PCP4: variants seen among roughly 807,000 people sequenced by gnomAD.
PCP4 encodes the protein Purkinje cell protein 4.
Under a neutral mutation model 10.0 loss-of-function variants are expected in PCP4, and 8 were observed. The observed-to-expected ratio is 0.80, with a 90% CI of 0.47 to 1.45. PCP4 has a LOEUF of 1.45. Among genes scored for constraint, PCP4 ranks in the 40% most tolerant of loss-of-function variants. The pLI is 0.00. For missense variants in PCP4, 54 were observed against 74.4 expected, an observed-to-expected ratio of 0.73 and a Z score of 1.01; for synonymous variants, 21 against 23.0, an observed-to-expected ratio of 0.91 and a Z score of 0.24.
At chr21:39,908,929 T>G (rs1469180936) in intron 2 of PCP4, among the ~76,000 whole-genome samples, 1 of 152,184 alleles carries the variant, frequency 6.6e-6, no homozygotes, top group Admixed American at 6.5e-5. Context: ...GACTGCAGGA[T>G]CAGCTGCTTA....
intron 1 of PCP4, 56 bp from the exon 2 acceptor site, chr21:39,898,420 G>A (rs957426927): frequency 1.4e-6 from 2 of 1,384,566 alleles, no homozygotes; most frequent in East Asian, 2.3e-5. Context: ...AGAGACAAAA[G>A]TAATCCCGAG....
Position 39,906,383 on chromosome 21 carries a change from G to T in PCP4, c.61+7856G>T, listed in dbSNP as rs1053057654. On this transcript the variant is annotated intron_variant, in intron 2 of 2. Transcript: ENST00000328619. The surrounding 1 kb of genome is among the most constrained non-coding windows in gnomAD (Gnocchi z 6.3). ...TATCCATAGTACCATTATCCCATCA[G>T]TTTAGTTAACTAGCCTCTGGCAAAT... 5.3e-5 allele frequency among the ~76,000 whole-genome samples: 8 copies of T among 152,210 alleles called. No homozygotes were observed. Among genetic ancestry groups the T allele is most frequent in the African/African-American group, 1.9e-4 (8 of 41,448 alleles).
At chr21:39,888,844 C>T (rs940920213) in intron 1 of PCP4, among the ~76,000 whole-genome samples, 1 of 152,216 alleles carries the variant, frequency 6.6e-6, no homozygotes, top group African/African-American at 2.4e-5. Context: ...GTCTGGGTAC[C>T]TGTCTGACCC....
intron 1 of PCP4, among the ~76,000 whole-genome samples, chr21:39,881,731 G>A (rs1376186579): frequency 1.3e-5 from 2 of 152,156 alleles, no homozygotes; most frequent in South Asian, 2.1e-4. Flanking sequence ...GGCAGGAAAC[G>A]TGATTCCGAC....
chr21:39,891,765 A>G (rs956285772), intron 1 of PCP4, among the ~76,000 whole-genome samples: 24 of 152,338 alleles, frequency 1.6e-4, no homozygotes, highest in African/African-American at 5.1e-4. Flanking sequence ...CTTCCCTTTT[A>G]GGTAGCCGAA....
At chr21:39,874,286 A>C (rs888681304) in intron 1 of PCP4, among the ~76,000 whole-genome samples, 1 of 152,188 alleles carries the variant, frequency 6.6e-6, no homozygotes. Flanking sequence ...CCAGCCATAC[A>C]CGAGTCAGAC....
At chr21:39,873,329 G>A (rs757204688) in intron 1 of PCP4, among the ~76,000 whole-genome samples, 1 of 152,022 alleles carries the variant, frequency 6.6e-6, no homozygotes, top group Non-Finnish European at 1.5e-5. Context: ...CATCTAGCAC[G>A]CGGAAAGCAA....
chr21:39,916,593 C>A (rs1351747613), intron 2 of PCP4, among the ~76,000 whole-genome samples: 1 of 152,148 alleles, frequency 6.6e-6, no homozygotes, highest in East Asian at 1.9e-4. Flanking sequence ...TACCATTTGA[C>A]CCAGCAATCC....
At chr21:39,888,067 A>G (rs1389517656) in intron 1 of PCP4, among the ~76,000 whole-genome samples, 1 of 152,206 alleles carries the variant, frequency 6.6e-6, no homozygotes, top group Admixed American at 6.5e-5. Flanking sequence ...CAGGGGAGCT[A>G]AAAACCCTGA....
At chr21:39,870,268 G>A (rs974996576) in intron 1 of PCP4, among the ~76,000 whole-genome samples, 1 of 152,230 alleles carries the variant, frequency 6.6e-6, no homozygotes, top group Non-Finnish European at 1.5e-5. Flanking sequence ...AAAGTACAGC[G>A]AGGAAAGTAA....
chr21:39,869,098 A>T (rs898104051), intron 1 of PCP4, among the ~76,000 whole-genome samples: 1 of 152,166 alleles, frequency 6.6e-6, no homozygotes, highest in Non-Finnish European at 1.5e-5. Flanking sequence ...TTTTCTTTAT[A>T]TACAACTTAT....
chr21:39,875,485 T>C (rs1324934573), intron 1 of PCP4, among the ~76,000 whole-genome samples: 3 of 152,214 alleles, frequency 2.0e-5, no homozygotes, highest in African/African-American at 7.2e-5. Flanking sequence ...CAGAGAGTTT[T>C]AGGTGGAAAT....
At position 39,867,450 on chromosome 21, in the gene PCP4, G is replaced by A; in HGVS notation, c.-52G>A. 3 of 1,610,920 alleles carry A rather than the reference G, an allele frequency of 1.9e-6. No homozygotes were observed. Among genetic ancestry groups the A allele is most frequent in the East Asian group, 2.2e-5 (1 of 44,840 alleles). ...GAACCGGTGGAGCAGCGACCCCTGA[G>A]CAGTGTTCTCTGTGCTGAGCGGCGG... On this transcript the variant is annotated 5_prime_UTR_variant, in exon 1 of 3. Coordinates refer to ENST00000328619, the MANE Select transcript of PCP4 (RefSeq NM_006198.3).
intron 1 of PCP4, among the ~76,000 whole-genome samples, chr21:39,891,870 A>G (rs144059229): frequency 2.0e-4 from 30 of 152,382 alleles, no homozygotes; most frequent in African/African-American, 7.0e-4. Flanking sequence ...TTCTACTGCT[A>G]TCTACTACGA....
Position 39,920,000 on chromosome 21 carries a change from TTGATGTG to T in PCP4, c.62-8974_62-8968del, listed in dbSNP as rs545104816. Reference sequence around the variant, plus strand: ...TGTGTGGTGTGTGTGTGGGGTGTGTTTGATGTGTGATGTGTGTGGTGTGTGGGTGTAG... The same window carrying T: ...TGTGTGGTGTGTGTGTGGGGTGTGTTTGATGTGTGTGGTGTGTGGGTGTAG... On this transcript the variant is annotated intron_variant, in intron 2 of 2. Coordinates refer to ENST00000328619, the MANE Select transcript of PCP4 (RefSeq NM_006198.3). 3.7e-4 allele frequency among the ~76,000 whole-genome samples: 50 copies of T among 134,206 alleles called. No individual in the cohort carries two copies. In the East Asian group the frequency reaches 8.1e-3, roughly 22 times the overall value. 88.0% of individuals were successfully genotyped at this position (134,206 alleles called of 152,430 possible). A position where few individuals can be genotyped will look rare whatever the true frequency, so the allele number is the denominator to read the frequency against.
chr21:39,913,249 T>TTA (rs2087549659), intron 2 of PCP4, among the ~76,000 whole-genome samples: 2 of 151,294 alleles, frequency 1.3e-5, no homozygotes, highest in Non-Finnish European at 1.5e-5. Flanking sequence ...AGTGTCATTT[T>TTA]AAAAAAAGCA....
At chr21:39,871,034 T>C (rs139448722) in intron 1 of PCP4, among the ~76,000 whole-genome samples, 75 of 152,342 alleles carry the variant, frequency 4.9e-4, no homozygotes, top group Middle Eastern at 3.4e-3. Flanking sequence ...ACAGAATCCA[T>C]GTCGAACTTA....
At chr21:39,880,775 T>C (rs1436276306) in intron 1 of PCP4, among the ~76,000 whole-genome samples, 1 of 152,240 alleles carries the variant, frequency 6.6e-6, no homozygotes, top group Non-Finnish European at 1.5e-5. Flanking sequence ...TCTACCTTAG[T>C]AATTCCGGGA....
chr21:39,887,348 G>GT (rs2087405395), intron 1 of PCP4, among the ~76,000 whole-genome samples: 3 of 110,330 alleles, frequency 2.7e-5, no homozygotes, highest in Non-Finnish European at 5.6e-5. Flanking sequence ...CTTTTTTTTT[G>GT]TTTTTTGGTT....
Sources: gnomAD v4.1 joint callset for allele counts (sites outside exome capture counted in the v4.1 genomes callset) on GRCh38, gnomAD v4.1.1 for gene constraint, Gnocchi (gnomAD v3.1) non-coding constraint, MANE v1.5 for transcripts, NCBI Gene and HGNC (gene_info 2026-07-23, HGNC 2026-07-21) for gene names.